Variants in CDKL4 observed in about 807,000 individuals in gnomAD.
CDKL4 encodes cyclin dependent kinase like 4, also known as cyclin-dependent kinase-like 4.
CDKL4 carries 44 observed loss-of-function variants against 42.0 expected under a neutral mutation model. That is an observed-to-expected ratio of 1.05 (90% CI 0.82 to 1.35). The LOEUF (loss-of-function observed/expected upper bound fraction) is 1.35. CDKL4 is among the 40% of genes most tolerant of loss of function. The pLI is 0.00. For synonymous variants in CDKL4, 120 were observed against 121.6 expected, an observed-to-expected ratio of 0.99 and a Z score of 0.09; for missense variants, 393 against 369.9, an observed-to-expected ratio of 1.06 and a Z score of -0.51.
intron 5 of CDKL4, 31 bp downstream of exon 5, chr2:39,204,496 C>G (rs759756928): frequency 8.5e-7 from 1 of 1,173,862 alleles, no homozygotes; most frequent in South Asian, 1.2e-5. Flanking sequence ...ATCATCTGAA[C>G]TGGGTATTAG....
intron 5 of CDKL4, among the ~76,000 whole-genome samples, chr2:39,197,070 T>TA (rs575389267): frequency 3.6e-4 from 55 of 151,430 alleles, no homozygotes; most frequent in Non-Finnish European, 7.4e-4. Context: ...CCTAAAGAAA[T>TA]AAAAAAATGA....
chr2:39,173,929 G>C (rs1170853877), downstream of CDKL4, among the ~76,000 whole-genome samples: 3 of 152,070 alleles, frequency 2.0e-5, no homozygotes, highest in Non-Finnish European at 4.4e-5. Context: ...GGTGCAGTGA[G>C]CCACGATTGC....
At chr2:39,203,551 A>G (rs1558561508) in intron 5 of CDKL4, among the ~76,000 whole-genome samples, 1 of 152,018 alleles carries the variant, frequency 6.6e-6, no homozygotes, top group East Asian at 1.9e-4. Flanking sequence ...TATTTCAGTA[A>G]TTTTTTTCTA....
chr2:39,217,433 A>C (rs55884310), intron 3 of CDKL4, among the ~76,000 whole-genome samples: 5,143 of 152,306 alleles, frequency 0.034, 294 homozygotes, highest in African/African-American at 0.12. Context: ...CTGATGCTGA[A>C]ATCAGAAGTC....
chr2:39,240,247 TTAAAATAAAATAAAA>T (rs139821059), intron 1 of CDKL4, among the ~76,000 whole-genome samples: 1 of 149,140 alleles, frequency 6.7e-6, no homozygotes, highest in African/African-American at 2.5e-5. Flanking sequence ...CCGTCTCTAC[TTAAAATAAAATAAAA>T]TAAAATAAAA....
At chr2:39,243,843 C>T (rs920026281) in intron 1 of CDKL4, among the ~76,000 whole-genome samples, 28 bp downstream of exon 1, 5 of 152,270 alleles carry the variant, frequency 3.3e-5, no homozygotes, top group African/African-American at 1.2e-4. Context: ...CCCGCAGTTC[C>T]CCCGCCACCG....
At chr2:39,179,134 A>G in intron 9 of CDKL4, 53 bp downstream of exon 9, 1 of 1,572,734 alleles carries the variant, frequency 6.4e-7, no homozygotes, top group Non-Finnish European at 8.6e-7. Context: ...GCAGACAAAC[A>G]AAAACAAAAA....
chr2:39,185,366 A>G (rs113092629), intron 7 of CDKL4, among the ~76,000 whole-genome samples: 50,617 of 63,338 alleles, frequency 0.8, 23,078 homozygotes, highest in Non-Finnish European at 0.93. Flanking sequence ...ATATACATAT[A>G]TATATACATA....
At chr2:39,191,438 C>T (rs1239485583) in intron 5 of CDKL4, among the ~76,000 whole-genome samples, 2 of 152,080 alleles carry the variant, frequency 1.3e-5, no homozygotes, top group African/African-American at 2.4e-5. Context: ...ATGGAAGGGG[C>T]CTCTCCTAGA....
chr2:39,171,542 C>T (rs1296184815), downstream of CDKL4, among the ~76,000 whole-genome samples: 1 of 152,160 alleles, frequency 6.6e-6, no homozygotes, highest in Non-Finnish European at 1.5e-5. Flanking sequence ...ATTCAAATAT[C>T]ACCAGGACTG....
intron 1 of CDKL4, among the ~76,000 whole-genome samples, chr2:39,240,793 A>G (rs1214400882): frequency 6.6e-6 from 1 of 152,166 alleles, no homozygotes; most frequent in South Asian, 2.1e-4. Context: ...AAATTTCTAG[A>G]AAAGACAAAT....
chr2:39,232,004 A>G (rs1244122553), intron 1 of CDKL4, among the ~76,000 whole-genome samples: 1 of 152,192 alleles, frequency 6.6e-6, no homozygotes, highest in Non-Finnish European at 1.5e-5. Context: ...TCATTGGGGG[A>G]AACTATAAAT....
downstream of CDKL4, among the ~76,000 whole-genome samples, chr2:39,173,194 A>G: frequency 6.6e-6 from 1 of 152,334 alleles, no homozygotes; most frequent in Admixed American, 6.5e-5. Context: ...ATATGCATAA[A>G]TATATTATCT....
At chr2:39,170,042 G>C in the CDKL4 span, among the ~76,000 whole-genome samples, 2 of 151,908 alleles carry the variant, frequency 1.3e-5, no homozygotes, top group South Asian at 4.2e-4. Flanking sequence ...TGTATTTTTT[G>C]TGGTAGAGAC....
At chr2:39,198,917 T>A (rs1676681157) in intron 5 of CDKL4, among the ~76,000 whole-genome samples, 1 of 151,894 alleles carries the variant, frequency 6.6e-6, no homozygotes, top group Non-Finnish European at 1.5e-5. Context: ...TAAGGTCACA[T>A]TTCAAGGAGC....
At chr2:39,226,074 T>C (rs1187808082) in intron 2 of CDKL4, 114 bp from the exon 3 acceptor site, 3 of 1,029,564 alleles carry the variant, frequency 2.9e-6, no homozygotes, top group Admixed American at 3.4e-5. Context: ...CCAATGTACC[T>C]ATAATAAGTG....
At chr2:39,180,047 C>T (rs941713157) in intron 8 of CDKL4, among the ~76,000 whole-genome samples, 1 of 152,072 alleles carries the variant, frequency 6.6e-6, no homozygotes, top group African/African-American at 2.4e-5. Flanking sequence ...CTCTGAGAAA[C>T]ACTGATACTC....
At chr2:39,244,359 CG>C (rs1459057918), upstream of CDKL4, among the ~76,000 whole-genome samples, 7 of 152,216 alleles carry the variant, frequency 4.6e-5, no homozygotes, top group African/African-American at 1.7e-4. Flanking sequence ...TGGCGGGCCC[CG>C]CACTCTGAGC....
At chr2:39,179,273 G>A (rs766892587) in exon 9 of CDKL4, 5 of 1,613,066 alleles carry the variant, frequency 3.1e-6, no homozygotes, top group South Asian at 1.1e-5. Flanking sequence ...GAGCTCTCCA[G>A]GAGTTGGGAA....
Sources: gnomAD v4.1 joint callset for allele counts (sites outside exome capture counted in the v4.1 genomes callset) on GRCh38, gnomAD v4.1.1 for gene constraint, MANE v1.5 for transcripts, NCBI Gene and HGNC (gene_info 2026-07-23, HGNC 2026-07-21) for gene names.